CTNNA3: variants seen among roughly 807,000 people sequenced by gnomAD.
CTNNA3 encodes the protein catenin alpha-3.
CTNNA3 carries 76 observed loss-of-function variants against 95.7 expected under a neutral mutation model. The ratio of observed to expected loss-of-function variants is 0.79; its 90% CI spans 0.66 to 0.96. The LOEUF (loss-of-function observed/expected upper bound fraction) is 0.96, where lower values mean the gene tolerates loss of function less well. Among genes scored for constraint, CTNNA3 ranks in the 40% least tolerant of loss-of-function variants. The probability of loss-of-function intolerance (pLI) is 0.00; values close to 1 mark genes in which losing one functional copy is unlikely to be tolerated. For synonymous variants in CTNNA3, 431 were observed against 374.4 expected (o/e 1.15, Z -1.74); for missense variants, 1,191 against 1,089.8 (o/e 1.09, Z -1.31).
At chr10:67,293,922 G>T (rs748030242) in intron 5 of CTNNA3, among the ~76,000 whole-genome samples, 2 of 152,038 alleles carry the variant, frequency 1.3e-5, no homozygotes, top group Non-Finnish European at 2.9e-5. Context: ...CTCACTGTTG[G>T]ACATTTGGCT....
chr10:67,600,596 T>C (rs573115509), intron 3 of CTNNA3, among the ~76,000 whole-genome samples: 1 of 152,182 alleles, frequency 6.6e-6, no homozygotes, highest in Non-Finnish European at 1.5e-5. Context: ...TTCACAAGAA[T>C]GTGGAGCAGT....
chr10:67,323,691 T>C (rs921497773), intron 5 of CTNNA3, among the ~76,000 whole-genome samples: 2 of 152,180 alleles, frequency 1.3e-5, no homozygotes, highest in Admixed American at 1.3e-4. Context: ...TGGTCTTGGC[T>C]ATCTAGGCTC....
At chr10:66,170,241 CTTTTTTTTT>C (rs57644952) in intron 13 of CTNNA3, among the ~76,000 whole-genome samples, 9 of 73,362 alleles carry the variant, frequency 1.2e-4, no homozygotes, top group South Asian at 5.6e-4. Context: ...TCCTCATTGT[CTTTTTTTTT>C]TTTTTTTTTT....
At chr10:66,507,710 G>GTATA (rs34952281) in intron 11 of CTNNA3, among the ~76,000 whole-genome samples, 2 of 150,594 alleles carry the variant, frequency 1.3e-5, no homozygotes, top group Admixed American at 6.6e-5. Context: ...ATTCTGTTGT[G>GTATA]TATATATATA....
intron 9 of CTNNA3, among the ~76,000 whole-genome samples, chr10:66,670,259 C>T (rs1846612069): frequency 6.6e-6 from 1 of 152,132 alleles, no homozygotes; most frequent in Non-Finnish European, 1.5e-5. Flanking sequence ...AGAAATCTGG[C>T]TGGGTTCAGC....
chr10:65,928,387 A>G (rs952432105), intron 17 of CTNNA3, among the ~76,000 whole-genome samples: 1 of 152,194 alleles, frequency 6.6e-6, no homozygotes, highest in African/African-American at 2.4e-5. Context: ...TTCTCAGGGA[A>G]GAGTTCCACA....
chr10:66,095,611 T>C (rs1408554108), intron 14 of CTNNA3, among the ~76,000 whole-genome samples: 1 of 152,110 alleles, frequency 6.6e-6, no homozygotes, highest in East Asian at 1.9e-4. Flanking sequence ...ATTGTTTTTC[T>C]ATTTCATAGT....
chr10:67,536,075 A>G (rs1294425529), intron 4 of CTNNA3, among the ~76,000 whole-genome samples: 1 of 152,140 alleles, frequency 6.6e-6, no homozygotes, highest in Admixed American at 6.6e-5. Context: ...AGATCAAAAT[A>G]AAGACTGAAA....
intron 5 of CTNNA3, among the ~76,000 whole-genome samples, chr10:67,355,574 C>T (rs923293358): frequency 1.2e-4 from 18 of 151,710 alleles, no homozygotes; most frequent in African/African-American, 3.4e-4. Context: ...TCTGCTCCTG[C>T]GGTGAGTTCT....
chr10:66,886,428 A>T (rs1845046808), intron 7 of CTNNA3, among the ~76,000 whole-genome samples: 2 of 152,078 alleles, frequency 1.3e-5, no homozygotes, highest in Admixed American at 6.6e-5. Context: ...CCTTCATCAC[A>T]TCCCTGATAC....
chr10:67,407,273 T>C (rs939393866), intron 5 of CTNNA3, among the ~76,000 whole-genome samples: 1 of 152,136 alleles, frequency 6.6e-6, no homozygotes, highest in East Asian at 1.9e-4. Flanking sequence ...CACACACAGA[T>C]CTATAAATGT....
intron 7 of CTNNA3, among the ~76,000 whole-genome samples, chr10:66,786,266 T>G (rs992128866): frequency 1.2e-4 from 18 of 152,166 alleles, no homozygotes; most frequent in Non-Finnish European, 7.3e-5. Context: ...GGGCACTGTT[T>G]TTTTTTCTCT....
intron 1 of CTNNA3, among the ~76,000 whole-genome samples, chr10:67,730,272 T>G (rs376133323): frequency 9.2e-5 from 14 of 152,212 alleles, no homozygotes; most frequent in African/African-American, 3.1e-4. Flanking sequence ...GGCTTCCATC[T>G]TTCCAAATAA....
At chr10:66,840,350 TCTCTCTCTCTCTCTCTCTCTCTCA>T (rs1843012660) in intron 7 of CTNNA3, among the ~76,000 whole-genome samples, 1 of 122,396 alleles carries the variant, frequency 8.2e-6, no homozygotes, top group South Asian at 2.9e-4. Context: ...TCTCTCTCTC[TCTCTCTCTCTCTCTCTCTCTCTCA>T]CACACACACA....
intron 16 of CTNNA3, among the ~76,000 whole-genome samples, chr10:65,978,494 TTA>T (rs201381808): frequency 0.014 from 1,445 of 105,748 alleles, 20 homozygotes; most frequent in African/African-American, 0.039. Flanking sequence ...TTTTTTTTTT[TTA>T]ACTTTCATTC....
intron 17 of CTNNA3, among the ~76,000 whole-genome samples, chr10:65,959,352 A>C (rs1375316302): frequency 6.6e-6 from 1 of 152,106 alleles, no homozygotes; most frequent in Non-Finnish European, 1.5e-5. Flanking sequence ...GGGTGAGGCA[A>C]TGCCCCTCCC....
chr10:67,510,079 G>T (rs1839563541), intron 5 of CTNNA3, among the ~76,000 whole-genome samples: 1 of 152,120 alleles, frequency 6.6e-6, no homozygotes, highest in Non-Finnish European at 1.5e-5. Flanking sequence ...TGTAGATTCT[G>T]GATATTAGCC....
intron 15 of CTNNA3, among the ~76,000 whole-genome samples, chr10:66,000,294 T>C (rs985892861): frequency 6.7e-6 from 1 of 148,608 alleles, no homozygotes; most frequent in African/African-American, 2.5e-5. Flanking sequence ...ATCTCATTTC[T>C]GGCATTCATT....
intron 5 of CTNNA3, among the ~76,000 whole-genome samples, chr10:67,512,640 A>G (rs753557745): frequency 1.3e-5 from 2 of 152,068 alleles, no homozygotes; most frequent in Non-Finnish European, 2.9e-5. Flanking sequence ...GATGATGCTT[A>G]TAAGTCTTTC....
Sources: gnomAD v4.1 joint callset for allele counts (sites outside exome capture counted in the v4.1 genomes callset) on GRCh38, gnomAD v4.1.1 for gene constraint, MANE v1.5 for transcripts, NCBI Gene and HGNC (gene_info 2026-07-23, HGNC 2026-07-21) for gene names.